The following RSL24D1 variants were observed in gnomAD, a reference collection of about 807,000 sequenced individuals.
The protein encoded by RSL24D1 is ribosomal L24 domain containing 1.
RSL24D1 carries 6 observed loss-of-function variants against 26.2 expected under a neutral mutation model. That is an observed-to-expected ratio of 0.23 (90% CI 0.13 to 0.45). RSL24D1 has a LOEUF of 0.45. Among genes scored for constraint, RSL24D1 ranks in the 20% least tolerant of loss-of-function variants. The pLI is 0.99. For synonymous variants in RSL24D1, 61 were observed against 59.1 expected, an observed-to-expected ratio of 1.03 and a Z score of -0.15; for missense variants, 176 against 202.6, an observed-to-expected ratio of 0.87 and a Z score of 0.80.
At chr15:55,195,144 A>G (rs904318685) in intron 1 of RSL24D1, among the ~76,000 whole-genome samples, 1 of 152,070 alleles carries the variant, frequency 6.6e-6, no homozygotes, top group Non-Finnish European at 1.5e-5. Context: ...CAGAGGCAGG[A>G]TAGGTAAGAC....
At chr15:55,187,924 A>G (rs182235963) in intron 3 of RSL24D1, among the ~76,000 whole-genome samples, 3 of 151,838 alleles carry the variant, frequency 2.0e-5, no homozygotes, top group African/African-American at 7.2e-5. Context: ...AAATATGTAA[A>G]AAGTTAAAAT....
intron 4 of RSL24D1, among the ~76,000 whole-genome samples, 186 bp from the exon 5 acceptor site, chr15:55,183,586 G>C (rs1451412990): frequency 6.6e-6 from 1 of 152,124 alleles, no homozygotes; most frequent in Non-Finnish European, 1.5e-5. Flanking sequence ...TCCAGCAGGA[G>C]CATCAACACC....
intron 3 of RSL24D1, among the ~76,000 whole-genome samples, chr15:55,186,692 T>A (rs1743115271): frequency 6.6e-6 from 1 of 152,184 alleles, no homozygotes; most frequent in Non-Finnish European, 1.5e-5. Context: ...AATTTTGCTA[T>A]AAAGGATATT....
Position 55,192,785 on chromosome 15 carries a change from G to A in RSL24D1, c.130C>T (p.Arg44Cys), listed in dbSNP as rs754119174. The change falls in exon 2 of 6, where the codon CGC becomes TGC. Residue 44 changes from arginine (R) to cysteine (C), a missense_variant. By Grantham distance (180) the Arg-to-Cys change is radical (BLOSUM62 -3). Transcript: ENST00000260443. ...SKCHKNFKKK[R>C]NPRKVRWTKA... ...GTCCACCTAACTTTGCGAGGATTGC[G>A]CTTCTTTTTAAAGTTTTTATGACAT... The A allele has an allele frequency of 4.3e-6, 7 of 1,613,778 alleles. No individual in the cohort carries two copies. The highest frequency in any genetic ancestry group is 3.3e-5 in the South Asian group (3 of 91,066).
chr15:55,184,707 A>T (rs1361303028), intron 4 of RSL24D1, among the ~76,000 whole-genome samples: 1 of 152,190 alleles, frequency 6.6e-6, no homozygotes, highest in Non-Finnish European at 1.5e-5. Context: ...CCTGACAGAC[A>T]TCACCTTAAT....
Position 55,182,179 on chromosome 15 carries a change from C to A in RSL24D1, c.465G>T (p.Glu155Asp), listed in dbSNP as rs750572411. 1 of 1,608,792 alleles carries A rather than the reference C, an allele frequency of 6.2e-7. No homozygotes were observed. The highest frequency in any genetic ancestry group is 1.3e-5 in the African/African-American group (1 of 74,766). Residue 155 changes from glutamate (E) to aspartate (D), a missense_variant, in exon 6 of 6, where the codon GAG becomes GAT. Around this residue, in one of 3 missense-constraint regions of RSL24D1, gnomAD observed 43 missense variants for 38.7 expected, o/e 1.11. Transcript: ENST00000260443. ...LEEKMVQQLQ[E>D]DVDMEDAP ...AAGGAGCATCTTCCATGTCCACATC[C>A]TCTTGTAACTGCTGTACCATTTTCT...
chr15:55,192,158 A>C (rs1894304496), intron 2 of RSL24D1, among the ~76,000 whole-genome samples: 1 of 152,170 alleles, frequency 6.6e-6, no homozygotes, highest in Non-Finnish European at 1.5e-5. Context: ...TCCTCCCTCA[A>C]ATGTAGCCTG....
At position 55,185,405 on chromosome 15, in the gene RSL24D1, C is replaced by A; in HGVS notation, c.289G>T (p.Glu97Ter). The A allele has an allele frequency of 6.2e-7, 1 of 1,608,450 alleles. No homozygotes were observed. The highest frequency in any genetic ancestry group is 8.5e-7 in the Non-Finnish European group (1 of 1,178,012). ...NKTIDAMKRV[E>*]EIKQKRQAKF... ...GCTTGGCGCTTCTGTTTGATTTCTT[C>A]AACTCTCTTCATCGCATCAACTACA... The change falls in exon 4 of 6, where the codon GAA (glutamate) becomes TAA (stop). Residue 97 changes from glutamate to a stop codon, truncating the protein, a stop_gained. Coordinates refer to ENST00000260443, the MANE Select transcript of RSL24D1 (RefSeq NM_016304.3). LOFTEE classifies it high-confidence loss of function.
chr15:55,191,878 T>C (rs1566887299), intron 2 of RSL24D1, among the ~76,000 whole-genome samples: 1 of 152,220 alleles, frequency 6.6e-6, no homozygotes, highest in Non-Finnish European at 1.5e-5. Flanking sequence ...CAGTGTTTCC[T>C]CAGGCAGCTG....
Position 55,182,077 on chromosome 15 carries a change from A to C in RSL24D1, c.*75T>G. 3 of 878,898 alleles carry C rather than the reference A, an allele frequency of 3.4e-6. No homozygotes were observed. The highest frequency in any genetic ancestry group is 1.5e-5 in the South Asian group (1 of 67,824). 54.4% of individuals were successfully genotyped at this position (878,898 alleles called of 1,614,324 possible). ...TCATTTAAGTGACCTTATGTAAAAA[A>C]TAAAATAATTTAGCAGTTCCAAGTA... On this transcript the variant is annotated 3_prime_UTR_variant, in exon 6 of 6. Transcript: ENST00000260443.
chr15:55,186,616 G>T (rs1052643503), intron 3 of RSL24D1, among the ~76,000 whole-genome samples: 1 of 152,176 alleles, frequency 6.6e-6, no homozygotes, highest in South Asian at 2.1e-4. Flanking sequence ...TGAAATATAA[G>T]GACAAACTCA....
intron 1 of RSL24D1, chr15:55,195,169 C>T (rs1894341711): frequency 6.6e-6 from 1 of 151,622 alleles, no homozygotes; most frequent in South Asian, 2.1e-4. Flanking sequence ...TAACTAGATA[C>T]AAAAGGTGAA....
chr15:55,196,029 A>C (rs992262724), intron 1 of RSL24D1, among the ~76,000 whole-genome samples: 5 of 152,246 alleles, frequency 3.3e-5, no homozygotes, highest in Non-Finnish European at 5.9e-5. Context: ...TGTTTCTCTG[A>C]GAAAGAGAGG....
intron 2 of RSL24D1, chr15:55,192,445 T>G (rs887467540): frequency 4.1e-5 from 12 of 296,240 alleles, no homozygotes; most frequent in African/African-American, 2.2e-4. Context: ...TCTCTTAACT[T>G]CATCTCAAAA....
rs372210952 is a variant in RSL24D1 at position 55,193,016 on chromosome 15, G to A, written c.82-183C>T. On this transcript the variant is annotated intron_variant, in intron 1 of 5. Transcript: ENST00000260443. ...CTATCAAACATCATCCCAACCAAAGGCTAAGGGCCCTGAAAATATTATTTT... is the reference window on the plus strand; with the variant it reads ...CTATCAAACATCATCCCAACCAAAGACTAAGGGCCCTGAAAATATTATTTT... 1.5e-3 allele frequency among the ~76,000 whole-genome samples: 230 copies of A among 152,114 alleles called. 1 individual carries two copies. The highest frequency in any genetic ancestry group is 5.2e-3 in the African/African-American group (215 of 41,488).
intron 3 of RSL24D1, among the ~76,000 whole-genome samples, chr15:55,188,455 G>C (rs181628099): frequency 8.0e-4 from 122 of 152,108 alleles, no homozygotes; most frequent in Non-Finnish European, 1.4e-3. Context: ...GTATAAATGT[G>C]GGGGGCAAGA....
intron 2 of RSL24D1, among the ~76,000 whole-genome samples, chr15:55,191,636 G>A (rs920416763): frequency 1.3e-5 from 2 of 152,168 alleles, no homozygotes; most frequent in African/African-American, 2.4e-5. Context: ...CACGGTTACC[G>A]TTGCTAGTGG....
Position 55,181,952 on chromosome 15 carries a change from C to T in RSL24D1, c.*200G>A. On this transcript the variant is annotated 3_prime_UTR_variant, in exon 6 of 6. Coordinates refer to ENST00000260443, the MANE Select transcript of RSL24D1 (RefSeq NM_016304.3). ...AGAATTTTCATGATTTACTTAAGTACATCTATCAGTAAAGATTTAACACTG... is the reference window on the plus strand; with the variant it reads ...AGAATTTTCATGATTTACTTAAGTATATCTATCAGTAAAGATTTAACACTG... 2.0e-6 allele frequency: 1 copy of T among 496,104 alleles called. No individual in the cohort carries two copies. The highest frequency in any genetic ancestry group is 3.1e-5 in the East Asian group (1 of 32,374). 30.7% of individuals were successfully genotyped at this position (496,104 alleles called of 1,614,324 possible). A position where few individuals can be genotyped will look rare whatever the true frequency, so the allele number is the denominator to read the frequency against.
chr15:55,180,879 T>G lies in RSL24D1; in HGVS notation c.*1273A>C, dbSNP rs915770342. ...AAAAACCCAAGAAATTTTACAAATG[T>G]CTTTCCTCACATGTATCATTTCCCC... On this transcript the variant is annotated 3_prime_UTR_variant, in exon 6 of 6. Coordinates refer to ENST00000260443, the MANE Select transcript of RSL24D1 (RefSeq NM_016304.3). 1 of 152,180 alleles carries G rather than the reference T, an allele frequency of 6.6e-6. No homozygotes were observed. The highest frequency in any genetic ancestry group is 1.5e-5 in the Non-Finnish European group (1 of 68,030). 9.4% of individuals were successfully genotyped at this position (152,180 alleles called of 1,614,324 possible). A position where few individuals can be genotyped will look rare whatever the true frequency, so the allele number is the denominator to read the frequency against.
Sources: allele counts gnomAD v4.1 joint callset (sites outside exome capture counted in the v4.1 genomes callset), GRCh38; gene constraint gnomAD v4.1.1; regional missense constraint gnomAD v4.1.1; transcripts MANE v1.5; gene names NCBI Gene and HGNC (gene_info 2026-07-23, HGNC 2026-07-21).